Variants in SULF2 observed in about 807,000 individuals in gnomAD.
SULF2 encodes the protein sulfatase 2.
In SULF2, 52 loss-of-function variants were observed where a neutral mutation model predicts 107.7. The ratio of observed to expected loss-of-function variants is 0.48; its 90% confidence interval spans 0.39 to 0.61. The LOEUF (loss-of-function observed/expected upper bound fraction) is 0.61, where lower values mean the gene tolerates loss of function less well. Ranked by LOEUF, SULF2 falls within the 20% of genes least tolerant of loss-of-function variation. The probability of loss-of-function intolerance (pLI) is 0.00; values close to 1 mark genes in which losing one functional copy is unlikely to be tolerated. For synonymous variants in SULF2, 460 were observed against 464.3 expected (o/e 0.99, Z 0.12); for missense variants, 993 against 1,177.3 (o/e 0.84, Z 2.29).
rs755737946 is a variant in SULF2 at position 47,663,496 on chromosome 20, G to A, written c.2184C>T (p.Phe728=). 6.2e-7 allele frequency: 1 copy of A among 1,611,714 alleles called. No individual in the cohort carries two copies. The highest frequency in any genetic ancestry group is 8.5e-7 in the Non-Finnish European group (1 of 1,180,018). The change falls in exon 16 of 21, where the codon TTC becomes TTT. Residue 728 remains phenylalanine (F), a synonymous_variant. Coordinates refer to ENST00000688720, the MANE Select transcript of SULF2 (RefSeq NM_001387048.1). The part of the protein sequence containing the change: ...DTCSMPGLTC[F]THDNQHWQTA... ...TCTGCCAGTGCTGGTTGTCGTGGGT[G>A]AAGCACGTGAGGCCTGGCATGCTGC...
chr20:47,714,045 T>C (rs1313062984), intron 3 of SULF2, among the ~76,000 whole-genome samples: 1 of 152,052 alleles, frequency 6.6e-6, no homozygotes, highest in African/African-American at 2.4e-5. Context: ...CCAATGACAA[T>C]AAACAGTGTT....
At chr20:47,723,917 CTG>C (rs962706264) in intron 3 of SULF2, among the ~76,000 whole-genome samples, 1 of 152,238 alleles carries the variant, frequency 6.6e-6, no homozygotes, top group African/African-American at 2.4e-5. Flanking sequence ...CGTGGAAAAA[CTG>C]TCTTCCACGA....
intron 3 of SULF2, among the ~76,000 whole-genome samples, chr20:47,713,074 G>T (rs2088988558): frequency 6.6e-6 from 1 of 151,978 alleles, no homozygotes; most frequent in African/African-American, 2.4e-5. Context: ...AAGAAAGGAA[G>T]GGATTTCTAT....
At chr20:47,756,444 G>C in intron 2 of SULF2, among the ~76,000 whole-genome samples, 1 of 151,972 alleles carries the variant, frequency 6.6e-6, no homozygotes, top group Non-Finnish European at 1.5e-5. Context: ...TATGTAAATT[G>C]CCTTTTCCTG....
intron 5 of SULF2, chr20:47,684,938 A>C (rs547567186): frequency 5.9e-4 from 102 of 173,468 alleles, no homozygotes; most frequent in African/African-American, 2.3e-3. Flanking sequence ...TTCCTTTTGA[A>C]AAAAGGGAAG....
At chr20:47,780,530 C>A (rs575040681) in intron 1 of SULF2, among the ~76,000 whole-genome samples, 5 of 152,186 alleles carry the variant, frequency 3.3e-5, no homozygotes, top group African/African-American at 1.2e-4. Flanking sequence ...TGCCTCCCAC[C>A]CCATCACATC....
chr20:47,763,588 A>C (rs2090461397), intron 1 of SULF2, among the ~76,000 whole-genome samples: 1 of 152,148 alleles, frequency 6.6e-6, no homozygotes, highest in Non-Finnish European at 1.5e-5. Context: ...GGAAGAAAGC[A>C]AACTGTGGGT....
At chr20:47,717,405 C>T (rs1251288313) in intron 3 of SULF2, among the ~76,000 whole-genome samples, 2 of 152,300 alleles carry the variant, frequency 1.3e-5, no homozygotes, top group South Asian at 4.1e-4. Context: ...TTGGTGACTA[C>T]CCTGTTCAGC....
chr20:47,682,495 C>T (rs367815994), intron 7 of SULF2, among the ~76,000 whole-genome samples: 2 of 152,218 alleles, frequency 1.3e-5, no homozygotes, highest in East Asian at 1.9e-4. Flanking sequence ...AAGGTTAGCC[C>T]GAGGAGAATG....
At chr20:47,735,108 C>A (rs1218267423) in intron 3 of SULF2, among the ~76,000 whole-genome samples, 1 of 152,122 alleles carries the variant, frequency 6.6e-6, no homozygotes, top group Non-Finnish European at 1.5e-5. Context: ...TTTGATTATG[C>A]CACAAACACC....
intron 1 of SULF2, among the ~76,000 whole-genome samples, chr20:47,781,295 C>T (rs1015939909): frequency 2.6e-5 from 4 of 152,246 alleles, no homozygotes; most frequent in African/African-American, 4.8e-5. Flanking sequence ...GGCCCATCAT[C>T]GCAGGCACTG....
chr20:47,672,709 C>T (rs2087518299), intron 10 of SULF2: 1 of 222,458 alleles, frequency 4.5e-6, no homozygotes, highest in Non-Finnish European at 7.6e-6. Flanking sequence ...GATCATATTA[C>T]TCTCCTACTT....
At chr20:47,696,409 C>CT (rs1491202591) in intron 4 of SULF2, among the ~76,000 whole-genome samples, 1 of 151,816 alleles carries the variant, frequency 6.6e-6, no homozygotes, top group East Asian at 2.0e-4. Flanking sequence ...ACCACCCCCC[C>CT]ACCCCCATAA....
In SULF2 at chr20:47,666,216, T is replaced by C. The variant is rs1156673854; in HGVS notation, c.1805+44A>G. The C allele has an allele frequency of 1.2e-6, 2 of 1,609,786 alleles. No homozygotes were observed. Among genetic ancestry groups the C allele is most frequent in the East Asian group, 4.5e-5 (2 of 44,774 alleles). ...AGGTGTGGGAAGCCCTTTGCCGAGG[T>C]CTGTCCTGTCCCCTTCACCCTCGAC... On this transcript the variant is annotated intron_variant, in intron 12 of 20. Transcript: ENST00000688720. The surrounding 1 kb of genome is among the most constrained non-coding windows in gnomAD (Gnocchi z 5.4).
rs1470808377 is a variant in SULF2, at chr20:47,734,827, A to G, written c.415+1876T>C. Among the ~76,000 whole-genome samples the G allele has an allele frequency of 4.6e-5, 7 of 152,252 alleles. No individual in the cohort carries two copies. In the East Asian group the frequency reaches 1.3e-3, roughly 29 times the overall value. On this transcript the variant is annotated intron_variant, in intron 3 of 20. Transcript: ENST00000688720. The stretch of plus-strand genomic sequence containing the variant: ...CGCTCCCAGTCTTCATGAGGGTATA[A>G]TAATGAATCATAGTTGAATAAAAGC...
chr20:47,740,319 A>G (rs1475411261), intron 2 of SULF2, among the ~76,000 whole-genome samples: 3 of 152,210 alleles, frequency 2.0e-5, no homozygotes, highest in Non-Finnish European at 4.4e-5. Flanking sequence ...AAAATGTCAC[A>G]GTCACACGGG....
chr20:47,761,308 C>T (rs1403654529), intron 1 of SULF2, among the ~76,000 whole-genome samples: 4 of 152,318 alleles, frequency 2.6e-5, no homozygotes, highest in African/African-American at 9.6e-5. Context: ...CCTCACCGTT[C>T]AATGTGGGCT....
chr20:47,720,935 A>G (rs1049302215), intron 3 of SULF2, among the ~76,000 whole-genome samples: 4 of 152,226 alleles, frequency 2.6e-5, no homozygotes, highest in Non-Finnish European at 5.9e-5. Flanking sequence ...AGAACAGCAT[A>G]AATATTAGAT....
At chr20:47,691,931 T>C (rs968570339) in intron 4 of SULF2, among the ~76,000 whole-genome samples, 5 of 152,136 alleles carry the variant, frequency 3.3e-5, no homozygotes, top group African/African-American at 1.2e-4. Flanking sequence ...GCAATGGTCT[T>C]GCTCCATTGC....
Sources: allele counts gnomAD v4.1 joint callset (sites outside exome capture counted in the v4.1 genomes callset), GRCh38; gene constraint gnomAD v4.1.1; non-coding constraint Gnocchi (gnomAD v3.1); transcripts MANE v1.5; gene names NCBI Gene and HGNC (gene_info 2026-07-23, HGNC 2026-07-21).